Variants in CHN1 observed in about 807,000 individuals in gnomAD.
CHN1 encodes chimerin 1.
A neutral mutation model predicts 59.5 loss-of-function variants in CHN1; 37 were observed. That is an observed-to-expected ratio of 0.62 (90% CI 0.48 to 0.82). The LOEUF (loss-of-function observed/expected upper bound fraction) is 0.82. Ranked by LOEUF, CHN1 falls within the 40% of genes least tolerant of loss-of-function variation. The pLI is 0.00. For missense variants in CHN1, 469 were observed against 571.0 expected (o/e 0.82, Z 1.82); for synonymous variants, 206 against 200.4 (o/e 1.03, Z -0.24).
At chr2:174,938,845 G>T (rs1689576903) in intron 3 of CHN1, among the ~76,000 whole-genome samples, 1 of 150,710 alleles carries the variant, frequency 6.6e-6, no homozygotes, top group Non-Finnish European at 1.5e-5. Context: ...CTATTTTTTT[G>T]GAGAAAAAAA....
intron 3 of CHN1, among the ~76,000 whole-genome samples, chr2:174,922,948 T>C (rs929637514): frequency 1.3e-5 from 2 of 152,102 alleles, no homozygotes; most frequent in Non-Finnish European, 1.5e-5. Context: ...ATTTATGGCA[T>C]AAATAGAGAT....
At position 174,799,893 on chromosome 2, in the gene CHN1, G is replaced by A. The variant is rs1280038593; in HGVS notation, c.*223C>T. ...ATCATGCAATAGCTTGAGTTTCTCT[G>A]AACGTGATAAACACCCAGGATTACT... On this transcript the variant is annotated 3_prime_UTR_variant, in exon 13 of 13. Coordinates refer to ENST00000409900, the MANE Select transcript of CHN1 (RefSeq NM_001822.7). 1.6e-6 allele frequency: 1 copy of A among 637,616 alleles called. No homozygotes were observed. Among genetic ancestry groups the A allele is most frequent in the Non-Finnish European group, 2.9e-6 (1 of 345,760 alleles). The allele number at this position is 637,616 out of a possible 1,614,324, so 39.5% of individuals were successfully genotyped here.
chr2:174,831,833 A>G (rs1440494723), intron 7 of CHN1, among the ~76,000 whole-genome samples: 2 of 152,140 alleles, frequency 1.3e-5, no homozygotes, highest in Non-Finnish European at 2.9e-5. Flanking sequence ...TCGTATTCAA[A>G]TATTAGTAAA....
At chr2:174,821,639 C>T in intron 8 of CHN1, 1 of 341,842 alleles carries the variant, frequency 2.9e-6, no homozygotes, top group Non-Finnish European at 6.1e-6. Context: ...ACTCTTCTGC[C>T]AAATCATGAG....
At chr2:174,847,606 G>A (rs1686570955) in intron 6 of CHN1, 2 of 1,316,300 alleles carry the variant, frequency 1.5e-6, no homozygotes, top group Non-Finnish European at 2.0e-6. Flanking sequence ...AGGGAAGGTG[G>A]GGGGAAGGGA....
rs566907053 is a variant in CHN1, at chr2:174,857,672, T to C, written c.550-10715A>G. Among the ~76,000 whole-genome samples the C allele has an allele frequency of 1.5e-4, 23 of 152,298 alleles. No homozygotes were observed. In the East Asian group the frequency reaches 4.2e-3, roughly 28 times the overall value. ...GAAACTGGGCTTCATGAGAAGGTCC[T>C]CTTGATCTTCCCCCCAACCCCCATG... On this transcript the variant is annotated intron_variant, in intron 6 of 12. Coordinates refer to ENST00000409900, the MANE Select transcript of CHN1 (RefSeq NM_001822.7).
intron 1 of CHN1, among the ~76,000 whole-genome samples, chr2:174,972,645 A>G (rs1228872156): frequency 1.3e-5 from 2 of 152,184 alleles, no homozygotes; most frequent in Admixed American, 6.5e-5. Context: ...GAGCAAAGAA[A>G]GTAAAGTGAG....
At chr2:174,946,595 T>C (rs1689844213) in intron 2 of CHN1, among the ~76,000 whole-genome samples, 1 of 152,160 alleles carries the variant, frequency 6.6e-6, no homozygotes, top group African/African-American at 2.4e-5. Flanking sequence ...TAGTTTTATA[T>C]ATTGTTACAG....
At chr2:174,964,889 T>A (rs543804778) in intron 1 of CHN1, among the ~76,000 whole-genome samples, 1 of 152,216 alleles carries the variant, frequency 6.6e-6, no homozygotes, top group South Asian at 2.1e-4. Context: ...CTCAAAGGTA[T>A]AGATTTTAAA....
chr2:175,003,547 A>G (rs1467516691), intron 1 of CHN1, among the ~76,000 whole-genome samples: 2 of 152,244 alleles, frequency 1.3e-5, no homozygotes, highest in Admixed American at 6.5e-5. Context: ...TCTCTTTAGG[A>G]AAGAAAATGT....
intron 5 of CHN1, among the ~76,000 whole-genome samples, chr2:174,885,941 G>A (rs753178340): frequency 2.6e-5 from 4 of 152,170 alleles, no homozygotes; most frequent in Non-Finnish European, 5.9e-5. Context: ...AAAAACTAGA[G>A]TAGGCCTAGA....
intron 5 of CHN1, among the ~76,000 whole-genome samples, chr2:174,899,843 C>G (rs1175665275): frequency 6.6e-6 from 1 of 152,184 alleles, no homozygotes; most frequent in Non-Finnish European, 1.5e-5. Flanking sequence ...CACTGCTTAG[C>G]CATTAGCAAA....
chr2:174,994,478 G>A (rs1309439493), intron 1 of CHN1, among the ~76,000 whole-genome samples: 3 of 152,028 alleles, frequency 2.0e-5, no homozygotes, highest in East Asian at 1.9e-4. Flanking sequence ...ACACTGTGGC[G>A]GTTGTTAAAT....
At chr2:174,961,293 AAAT>A in intron 1 of CHN1, among the ~76,000 whole-genome samples, 1 of 152,132 alleles carries the variant, frequency 6.6e-6, no homozygotes, top group South Asian at 2.1e-4. Context: ...ATTCATTTAA[AAAT>A]AATTAGCCAG....
At chr2:174,983,947 C>T (rs1691248551) in intron 1 of CHN1, among the ~76,000 whole-genome samples, 1 of 152,152 alleles carries the variant, frequency 6.6e-6, no homozygotes, top group African/African-American at 2.4e-5. Context: ...ATGGGAAAGA[C>T]TCAGAAAGAA....
intron 7 of CHN1, among the ~76,000 whole-genome samples, chr2:174,840,075 T>G (rs1686235773): frequency 6.6e-6 from 1 of 152,192 alleles, no homozygotes; most frequent in African/African-American, 2.4e-5. Context: ...ATATGAAATA[T>G]TGAACCATGA....
intron 1 of CHN1, among the ~76,000 whole-genome samples, chr2:174,992,347 A>G (rs1033079451): frequency 1.4e-4 from 21 of 152,340 alleles, no homozygotes; most frequent in Admixed American, 1.2e-3. Flanking sequence ...CACGGTGTTC[A>G]CTGTTGAAAC....
chr2:174,963,668 T>A (rs1202394109), intron 1 of CHN1, among the ~76,000 whole-genome samples: 1 of 152,220 alleles, frequency 6.6e-6, no homozygotes, highest in African/African-American at 2.4e-5. Flanking sequence ...TATGAGTTCT[T>A]CTCTGGTTTG....
chr2:174,975,486 T>C (rs1006535456), intron 1 of CHN1, among the ~76,000 whole-genome samples: 5 of 152,014 alleles, frequency 3.3e-5, no homozygotes. Flanking sequence ...CATTCAGCAC[T>C]TACCTACTAA....
Sources: allele counts gnomAD v4.1 joint callset (sites outside exome capture counted in the v4.1 genomes callset), GRCh38; gene constraint gnomAD v4.1.1; transcripts MANE v1.5; gene names NCBI Gene and HGNC (gene_info 2026-07-23, HGNC 2026-07-21).